Variants in AGBL1 observed in about 807,000 individuals in gnomAD.
The protein encoded by AGBL1 is cytosolic carboxypeptidase 4.
A neutral mutation model predicts 118.9 loss-of-function variants in AGBL1; 130 were observed. That is an observed-to-expected ratio of 1.09 (90% CI 0.95 to 1.26). The LOEUF (loss-of-function observed/expected upper bound fraction) is 1.26, where lower values mean the gene tolerates loss of function less well. Ranked by LOEUF, AGBL1 falls within the 50% of genes most tolerant of loss-of-function variation. The pLI is 0.00. For synonymous variants in AGBL1, 555 were observed against 478.9 expected, an observed-to-expected ratio of 1.16 and a Z score of -2.08; for missense variants, 1,584 against 1,298.1, an observed-to-expected ratio of 1.22 and a Z score of -3.38.
chr15:86,757,147 A>G (rs754643667), intron 22 of AGBL1, among the ~76,000 whole-genome samples: 5 of 152,092 alleles, frequency 3.3e-5, no homozygotes, highest in African/African-American at 9.7e-5. Flanking sequence ...AAGTTTATTC[A>G]TGATTAACAT....
intron 22 of AGBL1, among the ~76,000 whole-genome samples, chr15:86,879,130 G>A (rs1329113944): frequency 6.6e-6 from 1 of 152,238 alleles, no homozygotes; most frequent in Non-Finnish European, 1.5e-5. Flanking sequence ...CTGGCAGGTG[G>A]CAGCTTCCTT....
intron 1 of AGBL1, chr15:86,140,274 A>G (rs2076945579): frequency 6.7e-6 from 1 of 149,914 alleles, no homozygotes; most frequent in African/African-American, 2.5e-5. Flanking sequence ...AATGCCCCTT[A>G]AATTTTGTGC....
At chr15:86,642,689 G>A (rs1049918691) in intron 21 of AGBL1, among the ~76,000 whole-genome samples, 2 of 151,912 alleles carry the variant, frequency 1.3e-5, no homozygotes, top group Non-Finnish European at 2.9e-5. Context: ...TTTATTGATG[G>A]TGAATTATTC....
intron 5 of AGBL1, among the ~76,000 whole-genome samples, chr15:86,182,131 A>G (rs1216506822): frequency 1.3e-5 from 2 of 152,052 alleles, no homozygotes; most frequent in Non-Finnish European, 2.9e-5. Context: ...GGTGGGACAA[A>G]TAATTGGTTG....
chr15:86,664,632 G>C (rs2085610322), intron 21 of AGBL1, among the ~76,000 whole-genome samples: 1 of 152,050 alleles, frequency 6.6e-6, no homozygotes, highest in African/African-American at 2.4e-5. Flanking sequence ...GTAGACACAA[G>C]CCTAGTGACC....
chr15:86,376,578 G>A (rs1412496607), intron 17 of AGBL1, among the ~76,000 whole-genome samples: 1 of 152,190 alleles, frequency 6.6e-6, no homozygotes, highest in African/African-American at 2.4e-5. Flanking sequence ...TCCCAACCAG[G>A]GAAGCTCATC....
intron 1 of AGBL1, among the ~76,000 whole-genome samples, chr15:86,089,466 A>G (rs1284114546): frequency 2.0e-5 from 3 of 152,194 alleles, no homozygotes. Flanking sequence ...AGCCATTCTG[A>G]TTCTGATCAG....
intron 21 of AGBL1, among the ~76,000 whole-genome samples, chr15:86,562,170 G>T (rs1253611557): frequency 1.3e-5 from 2 of 152,120 alleles, no homozygotes; most frequent in African/African-American, 4.8e-5. Flanking sequence ...TGATTGCCCT[G>T]GTCAGAACTT....
intron 23 of AGBL1, among the ~76,000 whole-genome samples, chr15:86,968,799 A>G (rs1364672499): frequency 1.3e-5 from 2 of 151,874 alleles, no homozygotes; most frequent in South Asian, 2.1e-4. Flanking sequence ...AAAGTCCACA[A>G]TCAGGATACC....
intron 24 of AGBL1, among the ~76,000 whole-genome samples, chr15:87,015,326 C>T (rs1453618941): frequency 6.6e-6 from 1 of 152,122 alleles, no homozygotes; most frequent in Non-Finnish European, 1.5e-5. Context: ...AAGCCAATTC[C>T]CCTAATAAAT....
At chr15:86,924,995 G>A (rs565335139) in intron 23 of AGBL1, among the ~76,000 whole-genome samples, 27 of 151,758 alleles carry the variant, frequency 1.8e-4, no homozygotes, top group African/African-American at 5.8e-4. Flanking sequence ...CCAGCTAATC[G>A]GGAGGCTGAG....
chr15:86,311,233 A>AT (rs2079916347), intron 17 of AGBL1, among the ~76,000 whole-genome samples: 1 of 152,206 alleles, frequency 6.6e-6, no homozygotes, highest in Non-Finnish European at 1.5e-5. Flanking sequence ...GAAATTCAAC[A>AT]TTTTTGTTGT....
chr15:86,829,485 G>C (rs74027126), intron 22 of AGBL1, among the ~76,000 whole-genome samples: 16,648 of 152,132 alleles, frequency 0.11, 1,030 homozygotes, highest in Non-Finnish European at 0.14. Context: ...CCTAATTAGA[G>C]AGTCACAGTT....
intron 18 of AGBL1, among the ~76,000 whole-genome samples, chr15:86,509,577 T>G (rs1430963748): frequency 6.6e-6 from 1 of 152,132 alleles, no homozygotes; most frequent in Non-Finnish European, 1.5e-5. Flanking sequence ...GGAGAAACAT[T>G]ACGATAGATA....
chr15:86,855,028 C>T (rs1031623996), intron 22 of AGBL1, among the ~76,000 whole-genome samples: 17 of 152,144 alleles, frequency 1.1e-4, no homozygotes, highest in African/African-American at 3.6e-4. Flanking sequence ...AACTTGTCTT[C>T]TGCTCAAAGG....
chr15:86,170,355 A>G (rs1408541080), intron 5 of AGBL1, among the ~76,000 whole-genome samples: 1 of 152,162 alleles, frequency 6.6e-6, no homozygotes, highest in African/African-American at 2.4e-5. Flanking sequence ...GCACTAGTGA[A>G]CTATGGGACA....
At chr15:86,250,719 G>C (rs919290465) in intron 7 of AGBL1, among the ~76,000 whole-genome samples, 1 of 152,012 alleles carries the variant, frequency 6.6e-6, no homozygotes, top group Non-Finnish European at 1.5e-5. Context: ...TCTTCCCCCC[G>C]GCAGTCATAA....
At chr15:86,278,588 C>T (rs8039201) in intron 15 of AGBL1, among the ~76,000 whole-genome samples, 3,941 of 152,252 alleles carry the variant, frequency 0.026, 185 homozygotes, top group African/African-American at 0.083. Flanking sequence ...TTTTATTTTT[C>T]AAGAACACAC....
intron 22 of AGBL1, among the ~76,000 whole-genome samples, chr15:86,893,649 A>G (rs1414974556): frequency 6.6e-6 from 1 of 152,116 alleles, no homozygotes; most frequent in Non-Finnish European, 1.5e-5. Flanking sequence ...TTGCTTAGAG[A>G]TTGTCTGAAA....
Sources: allele counts gnomAD v4.1 joint callset (sites outside exome capture counted in the v4.1 genomes callset), GRCh38; gene constraint gnomAD v4.1.1; transcripts MANE v1.5; gene names NCBI Gene and HGNC (gene_info 2026-07-23, HGNC 2026-07-21).